The following PLOD1 variants were observed in gnomAD, a reference collection of about 807,000 sequenced individuals.
PLOD1 encodes procollagen-lysine,2-oxoglutarate 5-dioxygenase 1.
A neutral mutation model predicts 94.7 loss-of-function variants in PLOD1; 70 were observed. That is an observed-to-expected ratio of 0.74 (90% CI 0.61 to 0.90). PLOD1 has a LOEUF of 0.90. PLOD1 is among the 40% of genes least tolerant of loss of function. PLOD1 has a pLI of 0.00. For synonymous variants in PLOD1, 417 were observed against 400.2 expected (o/e 1.04, Z -0.50); for missense variants, 905 against 972.7 (o/e 0.93, Z 0.93).
chr1:11,957,256 C>T lies in PLOD1; in HGVS notation c.741+242C>T. ...CACGTAGGAGGCTGCCATCCCCTTC[C>T]AGGCCTAGGCTGGGCTACCAGAGCC... is the stretch of plus-strand genomic sequence containing the variant. On this transcript the variant is annotated intron_variant, in intron 7 of 18. Coordinates refer to ENST00000196061, the MANE Select transcript of PLOD1 (RefSeq NM_000302.4). The surrounding 1 kb of genome is among the most constrained non-coding windows in gnomAD (Gnocchi z 4.1). The T allele has an allele frequency of 2.8e-6, 2 of 713,606 alleles. No homozygotes were observed. The highest frequency in any genetic ancestry group is 3.5e-5 in the Admixed American group (2 of 56,880). 44.2% of individuals were successfully genotyped at this position (713,606 alleles called of 1,614,324 possible).
intron 13 of PLOD1, 59 bp downstream of exon 13, chr1:11,964,844 C>T: frequency 6.3e-7 from 1 of 1,576,976 alleles, no homozygotes; most frequent in Non-Finnish European, 8.7e-7. Flanking sequence ...GGAAGGTGGG[C>T]CTCCAGCTCT....
intron 14 of PLOD1, 57 bp from the exon 15 acceptor site, chr1:11,966,194 C>A (rs924364125): frequency 2.3e-6 from 3 of 1,296,442 alleles, no homozygotes; most frequent in Non-Finnish European, 3.3e-6. Flanking sequence ...CTGCTCTGAG[C>A]ATCCCTGGCA....
intron 1 of PLOD1, among the ~76,000 whole-genome samples, chr1:11,935,308 C>T (rs1645570487): frequency 6.6e-6 from 1 of 151,966 alleles, no homozygotes; most frequent in African/African-American, 2.4e-5. Flanking sequence ...CCCCACCCAC[C>T]CAGGTGTCTG....
In PLOD1 at chr1:11,954,361, C is replaced by T. The variant is rs537912529; in HGVS notation, c.580-469C>T. Reference sequence around the variant, plus strand: ...ATTAGCTGGGTATGGTGGCACATGCCCGTAGTCCCAGCTACTCAGGAGTCT... The same window carrying T: ...ATTAGCTGGGTATGGTGGCACATGCTCGTAGTCCCAGCTACTCAGGAGTCT... On this transcript the variant is annotated intron_variant, in intron 5 of 18. Coordinates refer to ENST00000196061, the MANE Select transcript of PLOD1 (RefSeq NM_000302.4). 8.8e-5 allele frequency: 31 copies of T among 352,198 alleles called. 1 individual carries two copies. The East Asian group carries it at 2.2e-3, about 25-fold the overall frequency. 21.8% of individuals were successfully genotyped at this position (352,198 alleles called of 1,614,324 possible).
Position 11,957,336 on chromosome 1 carries a change from T to G in PLOD1, c.741+322T>G. 3.9e-6 allele frequency: 2 copies of G among 507,766 alleles called. No homozygotes were observed. Among genetic ancestry groups the G allele is most frequent in the Non-Finnish European group, 7.5e-6 (2 of 265,968 alleles). The allele number at this position is 507,766 out of a possible 1,614,324, so 31.5% of individuals were successfully genotyped here. ...CTTATTCACTCAGTAAACCTTTATT[T>G]CATGTTTGCACCAGACAGTAAGACA... On this transcript the variant is annotated intron_variant, in intron 7 of 18. Coordinates refer to ENST00000196061, the MANE Select transcript of PLOD1 (RefSeq NM_000302.4). This position sits in a 1 kb window ranked among gnomAD's most constrained non-coding sequence, Gnocchi z 4.1.
Position 11,958,520 on chromosome 1 carries a change from A to T in PLOD1, c.848A>T (p.Glu283Val). Residue 283 changes from glutamate (E) to valine (V), a missense_variant, in exon 9 of 19, where the codon GAA (glutamate) becomes GTA (valine). Glu to Val is a moderately radical substitution (Grantham distance 121). Transcript: ENST00000196061. The surrounding 1 kb of genome is among the most constrained non-coding windows in gnomAD (Gnocchi z 4.3). ...GLRSLKGIGDEALPTVLVGVF... is the reference protein window; with the variant it reads ...GLRSLKGIGDVALPTVLVGVF... ...GTGCCGCCCTCCCTGGTGCAGGATG[A>T]AGCTCTGCCCACGGTCCTGGTCGGC... 1 of 1,613,700 alleles carries T rather than the reference A, an allele frequency of 6.2e-7. No homozygotes were observed. The highest frequency in any genetic ancestry group is 8.5e-7 in the Non-Finnish European group (1 of 1,179,910).
rs1282023432 is a variant in PLOD1, at chr1:11,949,785, G to A, written c.181G>A (p.Gly61Arg). The change falls in exon 3 of 19, where the codon GGG becomes AGG. Residue 61 changes from glycine (G) to arginine (R), a missense_variant. Physicochemically the swap from Gly to Arg is moderately radical, Grantham distance 125. Transcript: ENST00000196061. Reference protein sequence around the residue: ...FNYKIQALGLGEDWNVEKGTS... With the variant: ...FNYKIQALGLREDWNVEKGTS... ...TGTTTCTCTCCAGGCGCTTGGCCTA[G>A]GGGAGGACTGGAATGTGGAGAAGGG... 2 of 1,614,042 alleles carry A rather than the reference G, an allele frequency of 1.2e-6. No individual in the cohort carries two copies. The highest frequency in any genetic ancestry group is 1.1e-5 in the South Asian group (1 of 91,068).
Position 11,957,953 on chromosome 1 carries a change from C to T in PLOD1, c.843+10C>T, listed in dbSNP as rs149399201. The stretch of plus-strand genomic sequence containing the variant: ...CCTCAAGGGCATTGGGGTGAGGCTG[C>T]GCCCAGGCCTGTGCCTGAGGGACAC... On this transcript the variant is annotated intron_variant, in intron 8 of 18. Transcript: ENST00000196061. The surrounding 1 kb of genome is among the most constrained non-coding windows in gnomAD (Gnocchi z 4.1). The T allele has an allele frequency of 3.4e-5, 53 of 1,576,140 alleles. No homozygotes were observed. In the African/African-American group the frequency reaches 5.0e-4, roughly 15 times the overall value.
At chr1:11,950,330 T>C in intron 3 of PLOD1, 27 bp from the exon 4 acceptor site, 3 of 1,613,202 alleles carry the variant, frequency 1.9e-6, no homozygotes, top group Non-Finnish European at 2.5e-6. Flanking sequence ...CTTGCCCTGC[T>C]CCGTCTTCTC....
At position 11,950,467 on chromosome 1, in the gene PLOD1, T is replaced by C; in HGVS notation, c.413T>C (p.Leu138Pro). 1 of 1,614,142 alleles carries C rather than the reference T, an allele frequency of 6.2e-7. No homozygotes were observed. Among genetic ancestry groups the C allele is most frequent in the Non-Finnish European group, 8.5e-7 (1 of 1,179,972 alleles). ...AEELIYPDRR[L>P]ETKYPVVSDG... ...GAGCTCATCTACCCAGACCGCAGGCTGGAGACCAAGTATCCGGTGGTGTCC... is the reference window on the plus strand; with the variant it reads ...GAGCTCATCTACCCAGACCGCAGGCCGGAGACCAAGTATCCGGTGGTGTCC... The change falls in exon 4 of 19, where the codon CTG (leucine) becomes CCG (proline). Residue 138 changes from leucine (L) to proline (P), a missense_variant. Physicochemically the swap from Leu to Pro is moderately conservative, Grantham distance 98. Coordinates refer to ENST00000196061, the MANE Select transcript of PLOD1 (RefSeq NM_000302.4).
In PLOD1 at chr1:11,968,277, A is replaced by AT. The variant is rs202143176; in HGVS notation, c.1755+1194dup. ...CCTAAGGCACCTTTTTATTTTATTT[A>AT]TTTTTTTTATTTTAATGATCCCAGA... On this transcript the variant is annotated intron_variant, in intron 16 of 18. Transcript: ENST00000196061. 2.4e-3 allele frequency among the ~76,000 whole-genome samples: 366 copies of AT among 151,104 alleles called. 4 individuals are homozygous for AT. Among genetic ancestry groups the AT allele is most frequent in the East Asian group, 0.018 (92 of 5,068 alleles).
intron 6 of PLOD1, among the ~76,000 whole-genome samples, chr1:11,956,489 C>T (rs1645738695): frequency 1.3e-5 from 2 of 152,224 alleles, no homozygotes; most frequent in South Asian, 2.1e-4. Context: ...GCCCAGGCCT[C>T]CCCTGCATGT....
chr1:11,946,195 A>G lies in PLOD1; in HGVS notation c.77-1781A>G, dbSNP rs189242365. 9.2e-3 allele frequency among the ~76,000 whole-genome samples: 1,407 copies of G among 152,328 alleles called. 8 individuals carry two copies. The highest frequency in any genetic ancestry group is 0.018 in the South Asian group (86 of 4,832). Reference sequence around the variant, plus strand: ...CACATGGCTATTAAGGAGCAGAGCTAGGATTCTAACCAGGCAGGCTAGCTC... The same window carrying G: ...CACATGGCTATTAAGGAGCAGAGCTGGGATTCTAACCAGGCAGGCTAGCTC... On this transcript the variant is annotated intron_variant, in intron 1 of 18. Transcript: ENST00000196061.
chr1:11,972,955 C>T lies in PLOD1; in HGVS notation c.1986C>T (p.Phe662=), dbSNP rs778619786. The change falls in exon 18 of 19, where the codon TTC becomes TTT. Residue 662 remains phenylalanine (F), a synonymous_variant. Transcript: ENST00000196061. The surrounding 1 kb of genome is among the most constrained non-coding windows in gnomAD (Gnocchi z 4.6). ...SLMPHHDAST[F]TINIALNRVG... ...TGCCACACCATGATGCCTCCACCTT[C>T]ACCATCAACATCGCCCTGAACCGAG... 9.3e-6 allele frequency: 15 copies of T among 1,614,050 alleles called. No homozygotes were observed. The highest frequency in any genetic ancestry group is 1.2e-5 in the Non-Finnish European group (14 of 1,180,022).
chr1:11,965,073 A>T (rs912662158), intron 13 of PLOD1, among the ~76,000 whole-genome samples: 4 of 151,648 alleles, frequency 2.6e-5, no homozygotes, highest in African/African-American at 9.7e-5. Flanking sequence ...GGAACTTTCC[A>T]CCTAAAGGTA....
Position 11,974,643 on chromosome 1 carries a change from T to C in PLOD1, c.2029-10T>C. The C allele has an allele frequency of 6.2e-7, 1 of 1,612,324 alleles. No homozygotes were observed. The highest frequency in any genetic ancestry group is 8.5e-7 in the Non-Finnish European group (1 of 1,178,728). Reference sequence around the variant, plus strand: ...GTGGGGAAAGGCCACTGATGCTTTCTGTCTCCCAGGGCGGGGGCTGTCGGT... The same window carrying C: ...GTGGGGAAAGGCCACTGATGCTTTCCGTCTCCCAGGGCGGGGGCTGTCGGT... On this transcript the variant is annotated splice_polypyrimidine_tract_variant and intron_variant, in intron 18 of 18. Coordinates refer to ENST00000196061, the MANE Select transcript of PLOD1 (RefSeq NM_000302.4).
At chr1:11,964,092 C>T in intron 11 of PLOD1, 83 bp from the exon 12 acceptor site, 1 of 1,401,718 alleles carries the variant, frequency 7.1e-7, no homozygotes, top group Non-Finnish European at 1.0e-6. Context: ...TTGAGGGGCA[C>T]CTACCTCCCC....
chr1:11,970,407 T>C (rs545585846), intron 16 of PLOD1, among the ~76,000 whole-genome samples: 1 of 152,336 alleles, frequency 6.6e-6, no homozygotes, highest in South Asian at 2.1e-4. Context: ...CGCTCTTACC[T>C]GTGCAACAGA....
In PLOD1 at chr1:11,969,017, C is replaced by T. The variant is rs537159529; in HGVS notation, c.1756-1653C>T. Among the ~76,000 whole-genome samples the T allele has an allele frequency of 1.6e-3, 236 of 147,368 alleles. 1 individual carries two copies. Among genetic ancestry groups the T allele is most frequent in the Admixed American group, 2.5e-3 (37 of 14,842 alleles). ...GGATTACAGGTGCTGGCCACCATGC[C>T]TAATTTTTTTTTTTTTTTTTTTTTT... On this transcript the variant is annotated intron_variant, in intron 16 of 18. Coordinates refer to ENST00000196061, the MANE Select transcript of PLOD1 (RefSeq NM_000302.4).
Sources: allele counts gnomAD v4.1 joint callset (sites outside exome capture counted in the v4.1 genomes callset), GRCh38; gene constraint gnomAD v4.1.1; non-coding constraint Gnocchi (gnomAD v3.1); transcripts MANE v1.5; gene names NCBI Gene and HGNC (gene_info 2026-07-23, HGNC 2026-07-21).